GPCPD1: variants seen among roughly 807,000 people sequenced by gnomAD.
The protein encoded by GPCPD1 is glycerophosphocholine phosphodiesterase GPCPD1.
In GPCPD1, 29 loss-of-function variants were observed where a neutral mutation model predicts 89.2. The observed-to-expected ratio is 0.33, with a 90% CI of 0.24 to 0.44. GPCPD1 has a LOEUF of 0.44. GPCPD1 is among the 20% of genes least tolerant of loss of function. GPCPD1 has a pLI of 1.00. For synonymous variants in GPCPD1, 258 were observed against 266.3 expected (o/e 0.97, Z 0.30); for missense variants, 594 against 808.9 (o/e 0.73, Z 3.22).
At chr20:5,610,268 C>T (rs1377560721) in intron 1 of GPCPD1, among the ~76,000 whole-genome samples, 1 of 152,166 alleles carries the variant, frequency 6.6e-6, no homozygotes, top group Non-Finnish European at 1.5e-5. Flanking sequence ...GTATCGAGGG[C>T]ACTCATGACT....
chr20:5,571,646 C>A (rs946671429), intron 11 of GPCPD1, among the ~76,000 whole-genome samples: 1 of 152,156 alleles, frequency 6.6e-6, no homozygotes, highest in Non-Finnish European at 1.5e-5. Context: ...CAGTGGCTCA[C>A]GCCTATAATG....
intron 15 of GPCPD1, among the ~76,000 whole-genome samples, chr20:5,563,414 T>C (rs777729220): frequency 7.9e-5 from 12 of 152,268 alleles, no homozygotes; most frequent in Non-Finnish European, 1.5e-4. Context: ...ATGAGATTTC[T>C]AAAACACAAA....
intron 19 of GPCPD1, chr20:5,548,972 T>G: frequency 1.0e-6 from 1 of 965,768 alleles, no homozygotes; most frequent in Non-Finnish European, 1.5e-6. Context: ...CTCTGGTTTT[T>G]TTAAAAAAGA....
At chr20:5,590,824 GT>G (rs1979279553) in intron 4 of GPCPD1, among the ~76,000 whole-genome samples, 1 of 152,156 alleles carries the variant, frequency 6.6e-6, no homozygotes, top group Admixed American at 6.5e-5. Flanking sequence ...AAATAAGATA[GT>G]TTGTAATGAA....
rs763804362 is a variant in GPCPD1 at position 5,578,482 on chromosome 20, T to C, written c.603A>G (p.Ser201=). ...ISDNEFKCRH[S]QPECGYGLQP... is the part of the protein sequence containing the mutation. ...GCAAGCCATAACCACACTCCGGCTGTGAATGCCTGCACTTGAACTCATTGT... is the reference window on the plus strand; with the variant it reads ...GCAAGCCATAACCACACTCCGGCTGCGAATGCCTGCACTTGAACTCATTGT... Residue 201 remains serine, a synonymous_variant, in exon 8 of 20, where the codon TCA becomes TCG. Transcript: ENST00000379019. 31 of 1,613,890 alleles carry C rather than the reference T, an allele frequency of 1.9e-5. No individual in the cohort carries two copies. In the African/African-American group the frequency reaches 2.5e-4, roughly 13 times the overall value.
At chr20:5,574,978 T>C (rs1398097077) in intron 10 of GPCPD1, among the ~76,000 whole-genome samples, 2 of 152,212 alleles carry the variant, frequency 1.3e-5, no homozygotes, top group Non-Finnish European at 2.9e-5. Flanking sequence ...TAATGTCTGT[T>C]GAGAAGACAG....
At chr20:5,553,475 T>C (rs1406537281) in intron 19 of GPCPD1, among the ~76,000 whole-genome samples, 1 of 152,128 alleles carries the variant, frequency 6.6e-6, no homozygotes, top group Admixed American at 6.5e-5. Context: ...AATCTCTCAA[T>C]TTAAATAAAA....
intron 18 of GPCPD1, 138 bp downstream of exon 18, chr20:5,558,546 T>C (rs6139761): frequency 0.23 from 123,867 of 548,358 alleles, 15,130 homozygotes; most frequent in East Asian, 0.37. Context: ...AATATCCTCG[T>C]TTTTAAGTAG....
chr20:5,570,264 A>G (rs771670252), intron 11 of GPCPD1, 25 bp from the exon 12 acceptor site: 12 of 1,196,252 alleles, frequency 1.0e-5, no homozygotes, highest in Non-Finnish European at 1.5e-5. Context: ...CAAGTATTTG[A>G]AAAACATTGC....
chr20:5,577,649 G>A (rs946579998), intron 8 of GPCPD1, among the ~76,000 whole-genome samples: 1 of 151,790 alleles, frequency 6.6e-6, no homozygotes, highest in Non-Finnish European at 1.5e-5. Context: ...AAACTGGCTG[G>A]GGGCTACTGG....
chr20:5,547,955 G>T, intron 19 of GPCPD1, 105 bp from the exon 20 acceptor site: 1 of 575,376 alleles, frequency 1.7e-6, no homozygotes, highest in East Asian at 2.8e-5. Flanking sequence ...CAGAATGCCT[G>T]GAACATCCAC....
At chr20:5,564,630 T>C (rs1298846578) in intron 15 of GPCPD1, among the ~76,000 whole-genome samples, 2 of 152,052 alleles carry the variant, frequency 1.3e-5, no homozygotes, top group East Asian at 3.9e-4. Flanking sequence ...AGGTTTGAAT[T>C]CCCTTGAGAC....
At chr20:5,610,671 G>A (rs932923550) in intron 1 of GPCPD1, among the ~76,000 whole-genome samples, 171 bp downstream of exon 1, 8 of 151,596 alleles carry the variant, frequency 5.3e-5, no homozygotes, top group African/African-American at 1.9e-4. Context: ...TTAGCGCAGC[G>A]AACGCCCGGC....
At chr20:5,583,168 G>A (rs1978670380) in intron 6 of GPCPD1, among the ~76,000 whole-genome samples, 2 of 145,702 alleles carry the variant, frequency 1.4e-5, no homozygotes, top group South Asian at 4.4e-4. Flanking sequence ...AGAGTGCGGT[G>A]AGCCAAGGTT....
chr20:5,576,991 G>A (rs1308169525), intron 8 of GPCPD1, among the ~76,000 whole-genome samples: 1 of 151,462 alleles, frequency 6.6e-6, no homozygotes, highest in Non-Finnish European at 1.5e-5. Context: ...GATCGCTTGA[G>A]CCCAGGAGTT....
At chr20:5,570,771 A>G (rs1465012949) in intron 11 of GPCPD1, among the ~76,000 whole-genome samples, 2 of 152,224 alleles carry the variant, frequency 1.3e-5, no homozygotes, top group African/African-American at 2.4e-5. Context: ...GAACAGACAG[A>G]GACAACAGAA....
At chr20:5,602,986 TAAAAA>T (rs57455474) in intron 2 of GPCPD1, among the ~76,000 whole-genome samples, 5 of 121,378 alleles carry the variant, frequency 4.1e-5, no homozygotes, top group African/African-American at 6.1e-5. Context: ...CCATCTCAAT[TAAAAA>T]AAAAAAAAAA....
intron 6 of GPCPD1, among the ~76,000 whole-genome samples, chr20:5,581,503 T>A (rs1206378613): frequency 6.6e-6 from 1 of 152,142 alleles, no homozygotes. Flanking sequence ...TGCAACTAGT[T>A]ATGCCACTAG....
rs540308784 is a variant in GPCPD1, at chr20:5,602,939, C to T, written c.49+1425G>A. 4.4e-3 allele frequency among the ~76,000 whole-genome samples: 657 copies of T among 148,416 alleles called. 6 individuals carry two copies. Among genetic ancestry groups the T allele is most frequent in the Non-Finnish European group, 7.1e-3 (478 of 67,626 alleles). On this transcript the variant is annotated intron_variant, in intron 2 of 19. Coordinates refer to ENST00000379019, the MANE Select transcript of GPCPD1 (RefSeq NM_019593.5). ...CAGAGGTTGCAGTGAGCCGAGATCG[C>T]GTCATTGCACTCCAGCCTAGGCAAC... is the stretch of plus-strand genomic sequence containing the variant.
Sources: allele counts gnomAD v4.1 joint callset (sites outside exome capture counted in the v4.1 genomes callset), GRCh38; gene constraint gnomAD v4.1.1; transcripts MANE v1.5; gene names NCBI Gene and HGNC (gene_info 2026-07-23, HGNC 2026-07-21).